GCSAML: variants seen among roughly 807,000 people sequenced by gnomAD.
GCSAML encodes germinal center-associated signaling and motility-like protein.
In GCSAML, 9 loss-of-function variants were observed where a neutral mutation model predicts 13.0. The ratio of observed to expected loss-of-function variants is 0.69; its 90% confidence interval spans 0.42 to 1.21. The LOEUF is 1.21. Among genes scored for constraint, GCSAML ranks in the 50% most tolerant of loss-of-function variants. GCSAML has a pLI of 0.00. For missense variants in GCSAML, 143 were observed against 153.4 expected, an observed-to-expected ratio of 0.93 and a Z score of 0.36; for synonymous variants, 37 against 52.9, an observed-to-expected ratio of 0.70 and a Z score of 1.31.
intron 2 of GCSAML, 39 bp from the exon 3 acceptor site, chr1:247,563,551 A>G (rs372097410): frequency 8.5e-6 from 11 of 1,294,166 alleles, no homozygotes; most frequent in Non-Finnish European, 1.2e-5. Context: ...AGCTTTGGAG[A>G]ACCTGGAGTA....
At chr1:247,544,913 A>G (rs1487431711), upstream of GCSAML, among the ~76,000 whole-genome samples, 2 of 152,212 alleles carry the variant, frequency 1.3e-5, no homozygotes, top group East Asian at 3.8e-4. Flanking sequence ...AAATAATAAC[A>G]ACAAATAACC....
At chr1:247,546,563 G>T (rs570819695), upstream of GCSAML, among the ~76,000 whole-genome samples, 2 of 151,846 alleles carry the variant, frequency 1.3e-5, no homozygotes, top group Non-Finnish European at 2.9e-5. Context: ...GGGTTTCACT[G>T]TGTTAGCCAG....
At chr1:247,529,409 T>A (rs900729585) in intron 2 of GCSAML, 4 of 152,212 alleles carry the variant, frequency 2.6e-5, no homozygotes, top group Non-Finnish European at 5.9e-5. Context: ...CTTTATTGAA[T>A]GATGGAATGG....
intron 2 of GCSAML, among the ~76,000 whole-genome samples, chr1:247,539,456 C>G (rs1039895114): frequency 6.6e-6 from 1 of 152,118 alleles, no homozygotes; most frequent in Non-Finnish European, 1.5e-5. Flanking sequence ...CTTAAGCAAT[C>G]GTTACCACAG....
chr1:247,521,233 TATTA>T (rs1418613754), intron 1 of GCSAML, among the ~76,000 whole-genome samples: 1 of 152,018 alleles, frequency 6.6e-6, no homozygotes, highest in Non-Finnish European at 1.5e-5. Flanking sequence ...ATACCTGCAG[TATTA>T]ATTATAACAG....
intron 1 of GCSAML, among the ~76,000 whole-genome samples, chr1:247,549,766 T>C (rs1667702769): frequency 6.6e-6 from 1 of 152,158 alleles, no homozygotes; most frequent in East Asian, 1.9e-4. Context: ...GCCTTTGACT[T>C]TAGTCACACC....
At chr1:247,564,205 T>G (rs1668250734) in intron 3 of GCSAML, among the ~76,000 whole-genome samples, 2 of 152,144 alleles carry the variant, frequency 1.3e-5, no homozygotes, top group South Asian at 4.1e-4. Flanking sequence ...GTGCTGGGAT[T>G]ACAGGCGTGA....
intron 3 of GCSAML, among the ~76,000 whole-genome samples, chr1:247,564,039 T>C (rs1227511559): frequency 6.6e-6 from 1 of 151,980 alleles, no homozygotes; most frequent in African/African-American, 2.4e-5. Context: ...GTTCAAGTGA[T>C]TTTCCTGCCT....
At chr1:247,521,683 T>C (rs558075038) in intron 1 of GCSAML, among the ~76,000 whole-genome samples, 1 of 152,322 alleles carries the variant, frequency 6.6e-6, no homozygotes, top group East Asian at 1.9e-4. Flanking sequence ...CACTCAGTGC[T>C]CAATGTTGCC....
intron 2 of GCSAML, among the ~76,000 whole-genome samples, chr1:247,540,420 C>T (rs867969844): frequency 6.6e-5 from 10 of 152,212 alleles, no homozygotes; most frequent in Non-Finnish European, 1.0e-4. Context: ...GGTGTTACTT[C>T]GAATTGTCAA....
At chr1:247,531,544 A>G (rs765626523) in intron 2 of GCSAML, 17 of 1,612,068 alleles carry the variant, frequency 1.1e-5, no homozygotes, top group Non-Finnish European at 1.4e-5. Context: ...AAGGCACTGG[A>G]GTCTCTAAAT....
intron 2 of GCSAML, among the ~76,000 whole-genome samples, chr1:247,557,467 A>G (rs1206118234): frequency 6.6e-6 from 1 of 152,180 alleles, no homozygotes; most frequent in African/African-American, 2.4e-5. Context: ...GGCTTTTCGT[A>G]TTCTTGCACT....
At chr1:247,511,503 C>G (rs1385666586) in intron 1 of GCSAML, among the ~76,000 whole-genome samples, 2 of 152,084 alleles carry the variant, frequency 1.3e-5, no homozygotes, top group East Asian at 3.9e-4. Flanking sequence ...TTGGGGCACT[C>G]AGCTCATTCA....
chr1:247,516,188 T>C (rs1424452069), intron 1 of GCSAML, among the ~76,000 whole-genome samples: 1 of 152,228 alleles, frequency 6.6e-6, no homozygotes, highest in Non-Finnish European at 1.5e-5. Context: ...ACTTCCTTCT[T>C]GTGTGTTTCT....
At chr1:247,514,403 T>C (rs1429612524) in intron 1 of GCSAML, among the ~76,000 whole-genome samples, 1 of 152,230 alleles carries the variant, frequency 6.6e-6, no homozygotes, top group Non-Finnish European at 1.5e-5. Flanking sequence ...ATTGTGAAGA[T>C]TTTCTCCTAC....
intron 4 of GCSAML, among the ~76,000 whole-genome samples, chr1:247,572,224 G>C (rs768124089): frequency 6.6e-6 from 1 of 151,922 alleles, no homozygotes; most frequent in Non-Finnish European, 1.5e-5. Context: ...CTCATTTTCC[G>C]TCCAGTTTTG....
chr1:247,519,878 C>G (rs530301222), intron 1 of GCSAML, among the ~76,000 whole-genome samples: 1 of 152,030 alleles, frequency 6.6e-6, no homozygotes, highest in Non-Finnish European at 1.5e-5. Flanking sequence ...GTTTGTAGAG[C>G]AAGGAAATCA....
chr1:247,558,483 T>C (rs1382694276), intron 2 of GCSAML, among the ~76,000 whole-genome samples: 2 of 152,168 alleles, frequency 1.3e-5, no homozygotes, highest in African/African-American at 4.8e-5. Flanking sequence ...TACTCAGTCA[T>C]GTAGTCACCA....
At chr1:247,554,693 G>T (rs960744230) in intron 1 of GCSAML, among the ~76,000 whole-genome samples, 14 of 152,056 alleles carry the variant, frequency 9.2e-5, no homozygotes, top group African/African-American at 3.4e-4. Context: ...AATATTACTT[G>T]TGCCTAGACA....
Sources: gnomAD v4.1 joint callset for allele counts (sites outside exome capture counted in the v4.1 genomes callset) on GRCh38, gnomAD v4.1.1 for gene constraint, MANE v1.5 for transcripts, NCBI Gene and HGNC (gene_info 2026-07-23, HGNC 2026-07-21) for gene names.